PTGER2: variants seen among roughly 807,000 people sequenced by gnomAD.
PTGER2 encodes the protein prostaglandin E receptor 2, also known as prostaglandin E2 receptor EP2 subtype.
Under a neutral mutation model 26.2 loss-of-function variants are expected in PTGER2, and 22 were observed. The observed-to-expected ratio is 0.84, with a 90% CI of 0.60 to 1.20. The LOEUF (loss-of-function observed/expected upper bound fraction) is 1.20, where lower values mean the gene tolerates loss of function less well. Among genes scored for constraint, PTGER2 ranks in the 50% most tolerant of loss-of-function variants. PTGER2 has a pLI of 0.00. For synonymous variants in PTGER2, 219 were observed against 208.9 expected (o/e 1.05, Z -0.42); for missense variants, 458 against 475.2 (o/e 0.96, Z 0.34).
chr14:52,321,418 G>T (rs2033894415), intron 1 of PTGER2, among the ~76,000 whole-genome samples: 1 of 152,180 alleles, frequency 6.6e-6, no homozygotes, highest in Non-Finnish European at 1.5e-5. Context: ...TAGCTACTTA[G>T]AAATAGCCAT....
intron 1 of PTGER2, among the ~76,000 whole-genome samples, chr14:52,320,266 C>G (rs971451849): frequency 1.3e-5 from 2 of 152,158 alleles, no homozygotes; most frequent in African/African-American, 4.8e-5. Flanking sequence ...GTCTTTTCTC[C>G]TTTGCCATTT....
At chr14:52,318,859 A>G (rs1314720632) in intron 1 of PTGER2, among the ~76,000 whole-genome samples, 1 of 152,304 alleles carries the variant, frequency 6.6e-6, no homozygotes. Context: ...TCAACCTCAT[A>G]TGTCATTATT....
At chr14:52,319,092 T>C (rs1177350237) in intron 1 of PTGER2, among the ~76,000 whole-genome samples, 1 of 152,182 alleles carries the variant, frequency 6.6e-6, no homozygotes, top group African/African-American at 2.4e-5. Context: ...AAGTACTCAT[T>C]TCAGGGGTAA....
At chr14:52,322,125 CT>C (rs1263597038) in intron 1 of PTGER2, among the ~76,000 whole-genome samples, 2 of 152,142 alleles carry the variant, frequency 1.3e-5, no homozygotes, top group Non-Finnish European at 2.9e-5. Context: ...AATATTTCAA[CT>C]TAGGTTCTTT....
intron 1 of PTGER2, among the ~76,000 whole-genome samples, chr14:52,316,311 G>T (rs1409812399): frequency 6.6e-6 from 1 of 152,198 alleles, no homozygotes; most frequent in Non-Finnish European, 1.5e-5. Context: ...AACTTTAGCA[G>T]TTATTTGATG....
intron 1 of PTGER2, among the ~76,000 whole-genome samples, chr14:52,321,338 A>G (rs921696478): frequency 2.0e-5 from 3 of 152,222 alleles, no homozygotes; most frequent in African/African-American, 7.2e-5. Context: ...AGGTAAACAT[A>G]TAACAATCTA....
rs938709566 is a variant in PTGER2, at chr14:52,327,722, A to G, written c.*268A>G. The G allele has an allele frequency of 1.5e-5, 6 of 387,298 alleles. No homozygotes were observed. The East Asian group carries it at 1.8e-4, about 12-fold the overall frequency. The allele number at this position is 387,298 out of a possible 1,614,324, so 24.0% of individuals were successfully genotyped here. A position where few individuals can be genotyped will look rare whatever the true frequency, so the allele number is the denominator to read the frequency against. Reference sequence around the variant, plus strand: ...GGCTGCATTGAAGATCCAGCTGCCTATTGATTTAAGCTTTCCTGTTGAATG... The same window carrying G: ...GGCTGCATTGAAGATCCAGCTGCCTGTTGATTTAAGCTTTCCTGTTGAATG... On this transcript the variant is annotated 3_prime_UTR_variant, in exon 2 of 2. Coordinates refer to ENST00000245457, the MANE Select transcript of PTGER2 (RefSeq NM_000956.4).
chr14:52,314,703 G>T lies in PTGER2; in HGVS notation c.155G>T (p.Gly52Val). ...GCGCTGCTGGCGCGCCGCTGGCGGGGGGACGTGGGGTGCAGCGCCGGCCGC... is the reference window on the plus strand; with the variant it reads ...GCGCTGCTGGCGCGCCGCTGGCGGGTGGACGTGGGGTGCAGCGCCGGCCGC... ...ALALLARRWR[G>V]DVGCSAGRRS... The change falls in exon 1 of 2, where the codon GGG (glycine) becomes GTG (valine). Residue 52 changes from glycine to valine, a missense_variant. Physicochemically the swap from Gly to Val is moderately radical, Grantham distance 109. Coordinates refer to ENST00000245457, the MANE Select transcript of PTGER2 (RefSeq NM_000956.4). The surrounding 1 kb of genome is among the most constrained non-coding windows in gnomAD (Gnocchi z 5.7). 1 of 1,555,286 alleles carries T rather than the reference G, an allele frequency of 6.4e-7. No homozygotes were observed. The highest frequency in any genetic ancestry group is 8.7e-7 in the Non-Finnish European group (1 of 1,147,320).
chr14:52,314,911 G>A lies in PTGER2; in HGVS notation c.363G>A (p.Leu121=). Reference sequence around the variant, plus strand: ...CTTTCGCCATGACCTTCTTCAGCCTGGCCACGATGCTCATGCTCTTCGCCA... The same window carrying A: ...CTTTCGCCATGACCTTCTTCAGCCTAGCCACGATGCTCATGCTCTTCGCCA... The part of the protein sequence containing the change: ...YFAFAMTFFS[L]ATMLMLFAMA... The change falls in exon 1 of 2, where the codon CTG becomes CTA. Residue 121 remains leucine, a synonymous_variant. Coordinates refer to ENST00000245457, the MANE Select transcript of PTGER2 (RefSeq NM_000956.4). The surrounding 1 kb of genome is among the most constrained non-coding windows in gnomAD (Gnocchi z 5.7). 1 of 1,612,678 alleles carries A rather than the reference G, an allele frequency of 6.2e-7. No individual in the cohort carries two copies. The highest frequency in any genetic ancestry group is 8.5e-7 in the Non-Finnish European group (1 of 1,179,702).
chr14:52,325,333 T>C (rs1011934556), intron 1 of PTGER2, among the ~76,000 whole-genome samples: 1 of 152,236 alleles, frequency 6.6e-6, no homozygotes, highest in African/African-American at 2.4e-5. Flanking sequence ...ATGTGGGTTA[T>C]TCTCCCCTGA....
chr14:52,314,569 C>T lies in PTGER2; in HGVS notation c.21C>T (p.Asp7=), dbSNP rs748768013. The change falls in exon 1 of 2, where the codon GAC becomes GAT. Residue 7 remains aspartate (D), a synonymous_variant. Transcript: ENST00000245457. This position sits in a 1 kb window ranked among gnomAD's most constrained non-coding sequence, Gnocchi z 5.7. MGNASN[D]SQSEDCETRQ... ...CCACCATGGGCAATGCCTCCAATGA[C>T]TCCCAGTCTGAGGACTGCGAGACGC... 6.6e-7 allele frequency: 1 copy of T among 1,506,446 alleles called. No individual in the cohort carries two copies. The highest frequency in any genetic ancestry group is 8.9e-7 in the Non-Finnish European group (1 of 1,127,514). 93.3% of individuals were successfully genotyped at this position (1,506,446 alleles called of 1,614,324 possible).
rs1452645910 is a variant in PTGER2, at chr14:52,328,118, G to A, written c.*664G>A. 6.6e-6 allele frequency: 1 copy of A among 152,550 alleles called. No homozygotes were observed. The highest frequency in any genetic ancestry group is 1.5e-5 in the Non-Finnish European group (1 of 68,044). 9.4% of individuals were successfully genotyped at this position (152,550 alleles called of 1,614,324 possible). A position where few individuals can be genotyped will look rare whatever the true frequency, so the allele number is the denominator to read the frequency against. ...GTTGTCAGGTTATTTATTTTATAAT[G>A]TCCATATGCTAATAGTGATCAAGAA... On this transcript the variant is annotated 3_prime_UTR_variant, in exon 2 of 2. Coordinates refer to ENST00000245457, the MANE Select transcript of PTGER2 (RefSeq NM_000956.4).
intron 1 of PTGER2, among the ~76,000 whole-genome samples, chr14:52,321,080 T>G (rs568738330): frequency 2.6e-5 from 4 of 152,308 alleles, no homozygotes; most frequent in African/African-American, 9.6e-5. Flanking sequence ...ATTTGCTCTT[T>G]TTTTGTTTCC....
At position 52,314,641 on chromosome 14, in the gene PTGER2, G is replaced by A. The variant is rs2033813719; in HGVS notation, c.93G>A (p.Met31Ile). 2.0e-6 allele frequency: 3 copies of A among 1,516,306 alleles called. No homozygotes were observed. The highest frequency in any genetic ancestry group is 2.7e-6 in the Non-Finnish European group (3 of 1,131,870). 93.9% of individuals were successfully genotyped at this position (1,516,306 alleles called of 1,614,324 possible). ...PGESPAISSV[M>I]FSAGVLGNLI... ...AAAGCCCAGCCATCAGCTCCGTCAT[G>A]TTCTCGGCCGGGGTGCTGGGGAACC... Residue 31 changes from methionine (M) to isoleucine (I), a missense_variant, in exon 1 of 2, where the codon ATG becomes ATA. Physicochemically the swap from Met to Ile is conservative, Grantham distance 10 (BLOSUM62 1). Transcript: ENST00000245457. This position sits in a 1 kb window ranked among gnomAD's most constrained non-coding sequence, Gnocchi z 5.7.
Position 52,315,221 on chromosome 14 carries a change from A to C in PTGER2, c.673A>C (p.Met225Leu). 2 of 1,610,054 alleles carry C rather than the reference A, an allele frequency of 1.2e-6. No homozygotes were observed. Among genetic ancestry groups the C allele is most frequent in the Admixed American group, 1.7e-5 (1 of 59,872 alleles). Reference sequence around the variant, plus strand: ...CAGTGTCATTCTCAACCTCATCCGCATGCACCGCCGAAGCCGGAGAAGCCG... The same window carrying C: ...CAGTGTCATTCTCAACCTCATCCGCCTGCACCGCCGAAGCCGGAGAAGCCG... ...NFSVILNLIR[M>L]HRRSRRSRCG... The change falls in exon 1 of 2, where the codon ATG (methionine) becomes CTG (leucine). Residue 225 changes from methionine (M) to leucine (L), a missense_variant. Met to Leu is a conservative substitution (Grantham distance 15, BLOSUM62 2). Transcript: ENST00000245457.
Position 52,314,507 on chromosome 14 carries a change from G to T in PTGER2, c.-42G>T. The T allele has an allele frequency of 1.4e-6, 2 of 1,451,144 alleles. No homozygotes were observed. Among genetic ancestry groups the T allele is most frequent in the East Asian group, 2.5e-5 (1 of 40,476 alleles). The allele number at this position is 1,451,144 out of a possible 1,614,324, so 89.9% of individuals were successfully genotyped here. On this transcript the variant is annotated 5_prime_UTR_variant, in exon 1 of 2. It adds an upstream start codon to the 5' untranslated region. Transcript: ENST00000245457. This position sits in a 1 kb window ranked among gnomAD's most constrained non-coding sequence, Gnocchi z 5.7. ...TCAGACCCTCTTCCTCCCAGGTAAA[G>T]GCCGGGAGAGGAGGGCGCATCTCTT...
intron 1 of PTGER2, among the ~76,000 whole-genome samples, chr14:52,320,838 G>A (rs556804417): frequency 1.3e-4 from 20 of 152,306 alleles, no homozygotes; most frequent in Middle Eastern, 3.4e-3. Flanking sequence ...CCAGGGATCG[G>A]ATAAGCACAT....
chr14:52,325,173 C>T (rs1392296730), intron 1 of PTGER2, among the ~76,000 whole-genome samples: 1 of 151,974 alleles, frequency 6.6e-6, no homozygotes, highest in Non-Finnish European at 1.5e-5. Context: ...ATATTGGTCA[C>T]CTCCAAAGTG....
intron 1 of PTGER2, among the ~76,000 whole-genome samples, chr14:52,317,663 A>T (rs2033854872): frequency 1.3e-5 from 2 of 152,102 alleles, no homozygotes; most frequent in East Asian, 3.9e-4. Context: ...CCAGATGGAG[A>T]CTATGAAGGG....
Sources: gnomAD v4.1 joint callset for allele counts (sites outside exome capture counted in the v4.1 genomes callset) on GRCh38, gnomAD v4.1.1 for gene constraint, Gnocchi (gnomAD v3.1) non-coding constraint, MANE v1.5 for transcripts, NCBI Gene and HGNC (gene_info 2026-07-23, HGNC 2026-07-21) for gene names.